Variants in DPP10 observed in about 807,000 individuals in gnomAD.
DPP10 encodes dipeptidyl peptidase like 10, also known as inactive dipeptidyl peptidase 10.
In DPP10, 33 loss-of-function variants were observed where a neutral mutation model predicts 120.9. That is an observed-to-expected ratio of 0.27 (90% CI 0.21 to 0.37). DPP10 has a LOEUF of 0.37. Among genes scored for constraint, DPP10 ranks in the 10% least tolerant of loss-of-function variants. The probability of loss-of-function intolerance (pLI) is 1.00; values close to 1 mark genes in which losing one functional copy is unlikely to be tolerated. For missense variants in DPP10, 816 were observed against 942.8 expected, an observed-to-expected ratio of 0.87 and a Z score of 1.76; for synonymous variants, 337 against 326.1, an observed-to-expected ratio of 1.03 and a Z score of -0.36.
Position 114,764,352 on chromosome 2 carries a change from A to G in DPP10, c.60+321514A>G, listed in dbSNP as rs1024307384. 5.9e-5 allele frequency among the ~76,000 whole-genome samples: 9 copies of G among 151,592 alleles called. No individual in the cohort carries two copies. In the East Asian group the frequency reaches 1.7e-3, roughly 29 times the overall value. On this transcript the variant is annotated intron_variant, in intron 1 of 25. Coordinates refer to ENST00000410059, the MANE Select transcript of DPP10 (RefSeq NM_020868.6). ...TTTCTTGCTGAGTTATTTTGAAAAA[A>G]AAAAGAAAAAACAGTTTTGATCTCA...
intron 5 of DPP10, among the ~76,000 whole-genome samples, chr2:115,631,037 C>CTTTTTTTTTTTT (rs58468918): frequency 3.6e-5 from 4 of 111,356 alleles, no homozygotes; most frequent in African/African-American, 1.4e-4. Flanking sequence ...TGATCCTGGG[C>CTTTTTTTTTTTT]TTTTTTTTTT....
intron 1 of DPP10, among the ~76,000 whole-genome samples, chr2:115,133,097 C>CTATA (rs1175377402): frequency 1.7e-5 from 2 of 118,148 alleles, no homozygotes; most frequent in South Asian, 5.7e-4. Context: ...ATCTCCCAAT[C>CTATA]TATATATATG....
At chr2:115,688,034 AAGAG>A (rs70941088) in intron 5 of DPP10, among the ~76,000 whole-genome samples, 134 of 150,310 alleles carry the variant, frequency 8.9e-4, no homozygotes, top group African/African-American at 3.0e-3. Context: ...GAGAGAGAAA[AAGAG>A]AGAGAGAGAG....
At chr2:114,773,955 C>T (rs1681497449) in intron 1 of DPP10, among the ~76,000 whole-genome samples, 1 of 151,570 alleles carries the variant, frequency 6.6e-6, no homozygotes, top group Admixed American at 6.6e-5. Context: ...TGAAGTATAA[C>T]TTTTAAACTT....
chr2:115,720,333 A>G (rs537533884), intron 7 of DPP10, among the ~76,000 whole-genome samples: 35 of 152,310 alleles, frequency 2.3e-4, no homozygotes, highest in Middle Eastern at 3.4e-3. Context: ...TCATTTATCA[A>G]TTTATACATC....
At chr2:115,580,576 A>T (rs1223193954) in intron 5 of DPP10, among the ~76,000 whole-genome samples, 2 of 152,016 alleles carry the variant, frequency 1.3e-5, no homozygotes, top group Non-Finnish European at 2.9e-5. Context: ...TTCCCTGTGG[A>T]TCTATGAACA....
chr2:115,497,614 A>G (rs1251993687), intron 3 of DPP10, among the ~76,000 whole-genome samples: 2 of 152,134 alleles, frequency 1.3e-5, no homozygotes, highest in South Asian at 2.1e-4. Context: ...TTGATAATTC[A>G]TGATGATATG....
At chr2:115,805,366 C>G (rs2149995057) in intron 19 of DPP10, among the ~76,000 whole-genome samples, 1 of 152,224 alleles carries the variant, frequency 6.6e-6, no homozygotes, top group African/African-American at 2.4e-5. Flanking sequence ...ATTCCCTGAC[C>G]CCTTGCGCTT....
rs536831023 is a variant in DPP10, at chr2:115,831,231, A to C, written c.1951-4926A>C. Among the ~76,000 whole-genome samples the C allele has an allele frequency of 2.1e-5, 3 of 140,556 alleles. No individual in the cohort carries two copies. The South Asian group carries it at 6.8e-4, about 32-fold the overall frequency. The allele number at this position is 140,556 out of a possible 152,430, so 92.2% of individuals were successfully genotyped here. A position where few individuals can be genotyped will look rare whatever the true frequency, so the allele number is the denominator to read the frequency against. ...ATTACACAAGTTTAAATTCGCACAG[A>C]TCACTTCTTTCTTTCTTTCTTTCTT... On this transcript the variant is annotated intron_variant, in intron 21 of 25. Transcript: ENST00000410059.
intron 16 of DPP10, among the ~76,000 whole-genome samples, chr2:115,781,957 T>C (rs957570442): frequency 1.3e-5 from 2 of 152,064 alleles, no homozygotes; most frequent in African/African-American, 4.8e-5. Flanking sequence ...CTTTCTTTTT[T>C]TGGCTGAGTG....
intron 5 of DPP10, among the ~76,000 whole-genome samples, chr2:115,652,656 T>G (rs894519220): frequency 6.6e-6 from 1 of 151,778 alleles, no homozygotes; most frequent in African/African-American, 2.4e-5. Flanking sequence ...ATAGACTGAG[T>G]GCAAATATGA....
intron 7 of DPP10, among the ~76,000 whole-genome samples, chr2:115,698,945 CAG>C (rs1445378830): frequency 7.7e-6 from 1 of 130,020 alleles, no homozygotes; most frequent in Non-Finnish European, 1.6e-5. Flanking sequence ...TAATTAAAAA[CAG>C]AGAAAATCAC....
intron 5 of DPP10, among the ~76,000 whole-genome samples, chr2:115,596,606 A>C (rs2083004220): frequency 6.6e-6 from 1 of 152,172 alleles, no homozygotes; most frequent in East Asian, 1.9e-4. Context: ...TAGCTAGGCA[A>C]CCCCAAATGT....
At chr2:114,531,526 TTA>T (rs1558850826) in intron 1 of DPP10, among the ~76,000 whole-genome samples, 1 of 147,468 alleles carries the variant, frequency 6.8e-6, no homozygotes, top group Non-Finnish European at 1.5e-5. Flanking sequence ...ATATATATAT[TTA>T]TATGTTACAG....
chr2:115,041,335 G>C (rs1240999272), intron 1 of DPP10, among the ~76,000 whole-genome samples: 2 of 152,014 alleles, frequency 1.3e-5, no homozygotes, highest in Non-Finnish European at 2.9e-5. Context: ...TACGAACCCT[G>C]CTCACATTGA....
chr2:115,339,651 A>G (rs1286992049), intron 2 of DPP10, among the ~76,000 whole-genome samples: 4 of 152,208 alleles, frequency 2.6e-5, no homozygotes, highest in African/African-American at 9.6e-5. Context: ...TTATTTATAC[A>G]TTCAACAACT....
chr2:115,136,658 TA>T (rs930352259), intron 1 of DPP10, among the ~76,000 whole-genome samples: 30 of 124,088 alleles, frequency 2.4e-4, no homozygotes, highest in African/African-American at 5.2e-4. Context: ...AGGGATGGAA[TA>T]AAAAAAAAAC....
At chr2:114,589,045 G>GGC (rs1387445113) in intron 1 of DPP10, among the ~76,000 whole-genome samples, 3 of 150,282 alleles carry the variant, frequency 2.0e-5, no homozygotes, top group East Asian at 2.0e-4. Context: ...TTTGGGGGGG[G>GGC]GGGTAGGGGA....
At chr2:114,813,355 G>T (rs917205761) in intron 1 of DPP10, among the ~76,000 whole-genome samples, 2 of 152,142 alleles carry the variant, frequency 1.3e-5, no homozygotes, top group African/African-American at 4.8e-5. Flanking sequence ...GATGAGTTGG[G>T]TTATCTGAGT....
Sources: gnomAD v4.1 joint callset for allele counts (sites outside exome capture counted in the v4.1 genomes callset) on GRCh38, gnomAD v4.1.1 for gene constraint, MANE v1.5 for transcripts, NCBI Gene and HGNC (gene_info 2026-07-23, HGNC 2026-07-21) for gene names.